Variants in LETM1 observed in about 807,000 individuals in gnomAD.
LETM1 encodes the protein leucine zipper and EF-hand containing transmembrane protein 1, also known as mitochondrial proton/calcium exchanger protein.
LETM1 carries 50 observed loss-of-function variants against 74.5 expected under a neutral mutation model. The observed-to-expected ratio is 0.67, with a 90% CI of 0.53 to 0.85. The LOEUF (loss-of-function observed/expected upper bound fraction) is 0.85. Among genes scored for constraint, LETM1 ranks in the 40% least tolerant of loss-of-function variants. The pLI, the probability that LETM1 is intolerant of heterozygous loss-of-function variation, is 0.00. For synonymous variants in LETM1, 446 were observed against 407.1 expected (o/e 1.10, Z -1.15); for missense variants, 824 against 967.8 (o/e 0.85, Z 1.97).
rs563564100 is a variant in LETM1 at position 1,841,514 on chromosome 4, G to A, written c.427C>T (p.Pro143Ser). ...KLEEGGPVYS[P>S]PAEVVVKKSL... Reference sequence around the variant, plus strand: ...TTCTTCACCACCACCTCTGCGGGGGGGCTGTACACCGGGCCGCCTTCCTCC... The same window carrying A: ...TTCTTCACCACCACCTCTGCGGGGGAGCTGTACACCGGGCCGCCTTCCTCC... The change falls in exon 3 of 14, where the codon CCC becomes TCC. Residue 143 changes from proline to serine, a missense_variant. By Grantham distance (74) the Pro-to-Ser change is moderately conservative (BLOSUM62 -1). Around this residue, in one of 4 missense-constraint regions of LETM1, gnomAD observed 222 missense variants for 195.6 expected, o/e 1.14. Transcript: ENST00000302787. The A allele has an allele frequency of 3.5e-5, 57 of 1,614,218 alleles. No individual in the cohort carries two copies. Among genetic ancestry groups the A allele is most frequent in the Middle Eastern group, 1.6e-4 (1 of 6,062 alleles).
chr4:1,852,861 T>C (rs905533991), intron 1 of LETM1, among the ~76,000 whole-genome samples: 1 of 151,892 alleles, frequency 6.6e-6, no homozygotes, highest in African/African-American at 2.4e-5. Flanking sequence ...TACAAACAAA[T>C]GAAAAAAGAC....
intron 4 of LETM1, among the ~76,000 whole-genome samples, chr4:1,835,484 C>A (rs80274687): frequency 0.092 from 13,967 of 151,550 alleles, 1,991 homozygotes; most frequent in African/African-American, 0.31. Context: ...AACAAACAAA[C>A]AAAAACAAAC....
Position 1,825,075 on chromosome 4 carries a change from CTG to C in LETM1, c.1200+487_1200+488del, listed in dbSNP as rs376454102. On this transcript the variant is annotated intron_variant, in intron 7 of 13. Coordinates refer to ENST00000302787, the MANE Select transcript of LETM1 (RefSeq NM_012318.3). ...TCCATGTAAGAGTGAGTGGCTGGGG[CTG>C]TCACTTTCCGACCTACAAGCCACTC... Among the ~76,000 whole-genome samples the C allele has an allele frequency of 1.7e-3, 264 of 152,334 alleles. 2 individuals carry two copies. The highest frequency in any genetic ancestry group is 5.8e-3 in the African/African-American group (241 of 41,588).
intron 2 of LETM1, among the ~76,000 whole-genome samples, chr4:1,845,158 C>T (rs1712839245): frequency 6.6e-6 from 1 of 152,250 alleles, no homozygotes; most frequent in South Asian, 2.1e-4. Flanking sequence ...CCACTACACC[C>T]CAGCCTGGGC....
chr4:1,850,937 C>CAA (rs562023023), intron 1 of LETM1, among the ~76,000 whole-genome samples: 4,616 of 80,034 alleles, frequency 0.058, 241 homozygotes, highest in African/African-American at 0.17. Flanking sequence ...CCATTGCACT[C>CAA]AAAAAAAAAA....
At chr4:1,847,697 G>A (rs927255222) in intron 2 of LETM1, among the ~76,000 whole-genome samples, 6 of 151,926 alleles carry the variant, frequency 3.9e-5, no homozygotes, top group Admixed American at 1.3e-4. Context: ...TGGTGGCGGC[G>A]TCTCTAATCC....
At chr4:1,841,122 G>T (rs1054246210) in intron 3 of LETM1, among the ~76,000 whole-genome samples, 2 of 152,162 alleles carry the variant, frequency 1.3e-5, no homozygotes, top group African/African-American at 4.8e-5. Context: ...GGCTGAGGTG[G>T]GAGGATCATT....
intron 10 of LETM1, among the ~76,000 whole-genome samples, chr4:1,819,783 G>C (rs1216664834): frequency 6.6e-6 from 1 of 152,148 alleles, no homozygotes; most frequent in Non-Finnish European, 1.5e-5. Context: ...GCCCCCACTG[G>C]GTCCCGCCAC....
rs202176358 is a variant in LETM1 at position 1,815,721 on chromosome 4, C to G, written c.2013G>C (p.Leu671=). Residue 671 remains leucine, a synonymous_variant, in exon 13 of 14, where the codon CTG becomes CTC. Transcript: ENST00000302787. ...KHIPESKLTS[L]AAALDENKDG... Reference sequence around the variant, plus strand: ...CCTTGTTTTCATCCAGTGCTGCGGCCAGGCTGGTGAGCTTGCTTTCGGGAA... The same window carrying G: ...CCTTGTTTTCATCCAGTGCTGCGGCGAGGCTGGTGAGCTTGCTTTCGGGAA... 2.1e-5 allele frequency: 34 copies of G among 1,614,234 alleles called. No homozygotes were observed. The East Asian group carries it at 7.4e-4, about 35-fold the overall frequency.
chr4:1,826,261 C>G (rs115518309), intron 6 of LETM1, among the ~76,000 whole-genome samples: 94 of 152,338 alleles, frequency 6.2e-4, no homozygotes, highest in African/African-American at 2.2e-3. Context: ...GCTCCCATGC[C>G]AGGACTCTGC....
At chr4:1,821,123 ATTTTTT>A in intron 10 of LETM1, among the ~76,000 whole-genome samples, 1 of 141,056 alleles carries the variant, frequency 7.1e-6, no homozygotes, top group East Asian at 2.1e-4. Context: ...AAAAAGTGAA[ATTTTTT>A]TTTTTTTTTT....
At chr4:1,844,886 GAAA>G (rs971183682) in intron 2 of LETM1, among the ~76,000 whole-genome samples, 26 of 51,042 alleles carry the variant, frequency 5.1e-4, no homozygotes, top group African/African-American at 1.6e-3. Context: ...TGTCTCTACA[GAAA>G]AAAAAAAAAA....
intron 5 of LETM1, chr4:1,833,196 C>T (rs1010438435): frequency 6.1e-6 from 3 of 492,746 alleles, no homozygotes; most frequent in Non-Finnish European, 1.1e-5. Context: ...CTTAGCCTCC[C>T]GAGTAGCTGG....
At chr4:1,844,927 C>T (rs1053616122) in intron 2 of LETM1, among the ~76,000 whole-genome samples, 1 of 150,514 alleles carries the variant, frequency 6.6e-6, no homozygotes, top group South Asian at 2.1e-4. Context: ...CACAGTGGCT[C>T]ACGCCTGTAA....
chr4:1,840,825 C>T (rs949736187), intron 3 of LETM1, among the ~76,000 whole-genome samples: 2 of 152,080 alleles, frequency 1.3e-5, no homozygotes, highest in African/African-American at 4.8e-5. Context: ...AGCCCTCACC[C>T]TGTGGGATCT....
chr4:1,829,655 A>G (rs1015362026), intron 6 of LETM1, among the ~76,000 whole-genome samples: 6 of 152,196 alleles, frequency 3.9e-5, no homozygotes, highest in African/African-American at 7.2e-5. Flanking sequence ...TCATCTCTAC[A>G]AGAAAAATAA....
chr4:1,815,456 C>T (rs1242401565), intron 13 of LETM1, among the ~76,000 whole-genome samples: 1 of 152,234 alleles, frequency 6.6e-6, no homozygotes, highest in African/African-American at 2.4e-5. Flanking sequence ...TCTCTCAACA[C>T]TTGAGTTGTA....
At chr4:1,831,437 C>G (rs1366504499) in intron 6 of LETM1, among the ~76,000 whole-genome samples, 1 of 152,244 alleles carries the variant, frequency 6.6e-6, no homozygotes, top group African/African-American at 2.4e-5. Context: ...TGTTTCCCAC[C>G]TGGCTCCCAC....
intron 6 of LETM1, among the ~76,000 whole-genome samples, chr4:1,826,557 C>T (rs1174806379): frequency 6.6e-6 from 1 of 152,244 alleles, no homozygotes; most frequent in Non-Finnish European, 1.5e-5. Context: ...CTGCTGCTGT[C>T]ACCTGGAGTG....
Sources: allele counts gnomAD v4.1 joint callset (sites outside exome capture counted in the v4.1 genomes callset), GRCh38; gene constraint gnomAD v4.1.1; regional missense constraint gnomAD v4.1.1; transcripts MANE v1.5; gene names NCBI Gene and HGNC (gene_info 2026-07-23, HGNC 2026-07-21).